Variants in NELL1 observed in about 807,000 individuals in gnomAD.
The protein encoded by NELL1 is protein kinase C-binding protein NELL1.
In NELL1, 76 loss-of-function variants were observed where a neutral mutation model predicts 107.4. The observed-to-expected ratio is 0.71, with a 90% confidence interval of 0.59 to 0.86. NELL1 has a LOEUF of 0.86. NELL1 is among the 40% of genes least tolerant of loss of function. The pLI is 0.00. For synonymous variants in NELL1, 353 were observed against 341.2 expected (o/e 1.03, Z -0.38); for missense variants, 1,024 against 1,005.5 (o/e 1.02, Z -0.25).
chr11:20,903,989 T>C (rs1849936059), intron 5 of NELL1, among the ~76,000 whole-genome samples: 1 of 152,124 alleles, frequency 6.6e-6, no homozygotes, highest in African/African-American at 2.4e-5. Flanking sequence ...ATGTTCCTAG[T>C]GTAGGACAAC....
At chr11:20,882,033 G>A (rs1834573006) in intron 4 of NELL1, among the ~76,000 whole-genome samples, 1 of 152,166 alleles carries the variant, frequency 6.6e-6, no homozygotes, top group African/African-American at 2.4e-5. Flanking sequence ...GTTGACTTGG[G>A]TGACGCCAGA....
chr11:20,999,516 C>A (rs1852167977), intron 12 of NELL1, among the ~76,000 whole-genome samples: 1 of 152,188 alleles, frequency 6.6e-6, no homozygotes. Context: ...ATTCCTTAGA[C>A]TTTCCTACTA....
At chr11:21,452,477 C>T (rs1056648928) in intron 15 of NELL1, among the ~76,000 whole-genome samples, 1 of 151,958 alleles carries the variant, frequency 6.6e-6, no homozygotes, top group Non-Finnish European at 1.5e-5. Context: ...TATTGACATA[C>T]AGTTTTTTAT....
At chr11:21,545,068 T>C (rs1445654396) in intron 16 of NELL1, among the ~76,000 whole-genome samples, 3 of 152,022 alleles carry the variant, frequency 2.0e-5, no homozygotes, top group South Asian at 4.1e-4. Context: ...CTGTTGATTA[T>C]TGAGTGACGT....
chr11:20,999,465 A>T (rs567408621), intron 12 of NELL1, among the ~76,000 whole-genome samples: 1 of 152,190 alleles, frequency 6.6e-6, no homozygotes, highest in East Asian at 1.9e-4. Context: ...GTGGGCTTCC[A>T]CTCATTGGGC....
At chr11:21,039,594 A>C (rs1182062366) in intron 12 of NELL1, among the ~76,000 whole-genome samples, 1 of 152,182 alleles carries the variant, frequency 6.6e-6, no homozygotes, top group Non-Finnish European at 1.5e-5. Flanking sequence ...ATGGAGCAAA[A>C]TTCAGTATTC....
At position 21,206,106 on chromosome 11, in the gene NELL1, T is replaced by G. The variant is rs752177844; in HGVS notation, c.1427-23226T>G. On this transcript the variant is annotated intron_variant, in intron 13 of 19. Coordinates refer to ENST00000357134, the MANE Select transcript of NELL1 (RefSeq NM_006157.5). ...ACAAATTGTCATACACTCCATGGCT[T>G]AAAACAACAGAATCTTTTTCTCTGA... 1.6e-4 allele frequency among the ~76,000 whole-genome samples: 25 copies of G among 152,180 alleles called. 1 individual carries two copies. Among genetic ancestry groups the G allele is most frequent in the Non-Finnish European group, 2.9e-5 (2 of 68,036 alleles).
At chr11:21,566,882 A>G (rs371403342) in intron 17 of NELL1, among the ~76,000 whole-genome samples, 12 of 152,018 alleles carry the variant, frequency 7.9e-5, no homozygotes, top group Admixed American at 5.3e-4. Context: ...GAACATTGCC[A>G]TTGTTCTGAA....
At chr11:21,291,962 C>T (rs1302173844) in intron 14 of NELL1, among the ~76,000 whole-genome samples, 1 of 152,166 alleles carries the variant, frequency 6.6e-6, no homozygotes, top group Non-Finnish European at 1.5e-5. Flanking sequence ...AAACCCACAG[C>T]CAATATCATA....
At chr11:21,383,861 C>T (rs1196277198) in intron 15 of NELL1, 2 of 151,738 alleles carry the variant, frequency 1.3e-5, no homozygotes, top group Admixed American at 6.6e-5. Context: ...CCTTTGGCTT[C>T]TCAAGATCAG....
chr11:21,573,460 A>G (rs1304834579), intron 19 of NELL1, 51 bp downstream of exon 19: 4 of 1,511,378 alleles, frequency 2.6e-6, no homozygotes, highest in Non-Finnish European at 3.7e-6. Flanking sequence ...GCCAGAGAAC[A>G]CTTGCAGGAG....
chr11:20,744,386 T>C (rs1317665645), intron 2 of NELL1, among the ~76,000 whole-genome samples: 1 of 152,256 alleles, frequency 6.6e-6, no homozygotes, highest in East Asian at 1.9e-4. Flanking sequence ...TCTCACTGTC[T>C]GAACATGCTA....
chr11:20,937,976 A>G lies in NELL1; in HGVS notation c.1071+117A>G. On this transcript the variant is annotated intron_variant, in intron 10 of 19. Transcript: ENST00000357134. Reference sequence around the variant, plus strand: ...GCCTGGATAGGGCCCCGAGGGGTGGAACTCTCTGCGGTGGGTTGGATTACA... The same window carrying G: ...GCCTGGATAGGGCCCCGAGGGGTGGGACTCTCTGCGGTGGGTTGGATTACA... 2 of 921,648 alleles carry G rather than the reference A, an allele frequency of 2.2e-6. 1 individual carries two copies. The highest frequency in any genetic ancestry group is 2.9e-5 in the South Asian group (2 of 69,620). The allele number at this position is 921,648 out of a possible 1,614,324, so 57.1% of individuals were successfully genotyped here. A position where few individuals can be genotyped will look rare whatever the true frequency, so the allele number is the denominator to read the frequency against.
At chr11:20,723,325 C>G (rs1855434963) in intron 2 of NELL1, among the ~76,000 whole-genome samples, 1 of 152,160 alleles carries the variant, frequency 6.6e-6, no homozygotes, top group Non-Finnish European at 1.5e-5. Flanking sequence ...AAATAAAAAA[C>G]AAATTAGTTA....
chr11:21,460,818 A>G (rs1288931800), intron 15 of NELL1, among the ~76,000 whole-genome samples: 1 of 152,088 alleles, frequency 6.6e-6, no homozygotes, highest in Non-Finnish European at 1.5e-5. Flanking sequence ...AGTGAGATGT[A>G]TATAAAAATC....
intron 14 of NELL1, among the ~76,000 whole-genome samples, chr11:21,340,937 A>G (rs1038677262): frequency 1.3e-5 from 2 of 152,054 alleles, no homozygotes; most frequent in South Asian, 2.1e-4. Context: ...CAACGTACCT[A>G]TTTCTCTACC....
At chr11:20,907,847 C>G (rs762930784) in intron 5 of NELL1, among the ~76,000 whole-genome samples, 1 of 152,024 alleles carries the variant, frequency 6.6e-6, no homozygotes, top group Non-Finnish European at 1.5e-5. Context: ...TTACAAGGAA[C>G]TTAAACATAT....
At chr11:20,987,051 C>T (rs542267182) in intron 12 of NELL1, among the ~76,000 whole-genome samples, 1 of 152,054 alleles carries the variant, frequency 6.6e-6, no homozygotes, top group Non-Finnish European at 1.5e-5. Flanking sequence ...GCCTGGTACA[C>T]CCCTGGCATA....
At chr11:21,075,982 T>C (rs915988063) in intron 12 of NELL1, among the ~76,000 whole-genome samples, 4 of 152,212 alleles carry the variant, frequency 2.6e-5, no homozygotes, top group African/African-American at 9.6e-5. Context: ...TTTTATTGAT[T>C]CTGAGCAAAT....
Sources: gnomAD v4.1 joint callset for allele counts (sites outside exome capture counted in the v4.1 genomes callset) on GRCh38, gnomAD v4.1.1 for gene constraint, MANE v1.5 for transcripts, NCBI Gene and HGNC (gene_info 2026-07-23, HGNC 2026-07-21) for gene names.